TMBIM6: variants seen among roughly 807,000 people sequenced by gnomAD.
The protein encoded by TMBIM6 is bax inhibitor 1.
In TMBIM6, 13 loss-of-function variants were observed where a neutral mutation model predicts 31.4. The observed-to-expected ratio is 0.41, with a 90% CI of 0.27 to 0.66. TMBIM6 has a LOEUF of 0.66. Among genes scored for constraint, TMBIM6 ranks in the 30% least tolerant of loss-of-function variants. The probability of loss-of-function intolerance (pLI) is 0.28; values close to 1 mark genes in which losing one functional copy is unlikely to be tolerated. For missense variants in TMBIM6, 275 were observed against 289.5 expected (o/e 0.95, Z 0.36); for synonymous variants, 85 against 101.7 (o/e 0.84, Z 0.99).
chr12:49,763,257 T>TACCAAA lies in TMBIM6; in HGVS notation c.*361_*362insACCAAA, dbSNP rs148039038. The TACCAAA allele has an allele frequency of 0.018, 3,589 of 196,884 alleles. 140 individuals carry two copies. Among genetic ancestry groups the TACCAAA allele is most frequent in the African/African-American group, 0.078 (3,382 of 43,470 alleles). The allele number at this position is 196,884 out of a possible 1,614,324, so 12.2% of individuals were successfully genotyped here. A position where few individuals can be genotyped will look rare whatever the true frequency, so the allele number is the denominator to read the frequency against. On this transcript the variant is annotated 3_prime_UTR_variant, in exon 10 of 10. Transcript: ENST00000267115. Reference sequence around the variant, plus strand: ...ATTCACCCAGTGGACCTGAACTGTTTGGTAGAGCCACCCGGCCCTTCCTTC... The same window carrying TACCAAA: ...ATTCACCCAGTGGACCTGAACTGTTTACCAAAGGTAGAGCCACCCGGCCCTTCCTTC...
intron 9 of TMBIM6, 99 bp from the exon 10 acceptor site, chr12:49,762,774 C>G: frequency 9.2e-7 from 1 of 1,087,888 alleles, no homozygotes; most frequent in Non-Finnish European, 1.4e-6. Context: ...TTTTAATTGT[C>G]TGGCTCACTT....
intron 4 of TMBIM6, among the ~76,000 whole-genome samples, chr12:49,756,829 CAGGTTCA>C (rs1945607901): frequency 6.6e-6 from 1 of 152,032 alleles, no homozygotes; most frequent in Non-Finnish European, 1.5e-5. Context: ...CTCCACCTCC[CAGGTTCA>C]AGCGATTCTC....
rs759540247 is a variant in TMBIM6, at chr12:49,758,397, C to T, written c.350C>T (p.Ala117Val). The T allele has an allele frequency of 3.7e-6, 6 of 1,614,200 alleles. No individual in the cohort carries two copies. The highest frequency in any genetic ancestry group is 2.7e-5 in the African/African-American group (2 of 75,034). The change falls in exon 6 of 10, where the codon GCT (alanine) becomes GTT (valine). Residue 117 changes from alanine to valine, a missense_variant. Ala to Val is a moderately conservative substitution (Grantham distance 64). Coordinates refer to ENST00000267115, the MANE Select transcript of TMBIM6 (RefSeq NM_003217.3). ...IAVNPSILPTAFMGTAMIFTC... is the reference protein window; with the variant it reads ...IAVNPSILPTVFMGTAMIFTC... ...TTTTCTAACAGCATCCTTCCCACTG[C>T]TTTCATGGGCACGGCAATGATCTTT...
chr12:49,758,818 C>CTTTTTTTT (rs57007895), intron 7 of TMBIM6, 56 bp downstream of exon 7: 5 of 1,161,864 alleles, frequency 4.3e-6, no homozygotes, highest in African/African-American at 3.6e-5. Flanking sequence ...TCTTTCTTTC[C>CTTTTTTTT]TTTTTTTTTT....
At position 49,764,718 on chromosome 12, in the gene TMBIM6, A is replaced by AG. The variant is rs1196892954; in HGVS notation, c.*1822_*1823insG. The stretch of plus-strand genomic sequence containing the variant: ...CAAGAATGACAAGATATTAAAAAAA[A>AG]AAAAGAAAGAAAAAAAAAAAAACAC... On this transcript the variant is annotated 3_prime_UTR_variant, in exon 10 of 10. Coordinates refer to ENST00000267115, the MANE Select transcript of TMBIM6 (RefSeq NM_003217.3). The AG allele has an allele frequency of 1.4e-5, 2 of 140,966 alleles. No individual in the cohort carries two copies. Among genetic ancestry groups the AG allele is most frequent in the African/African-American group, 6.3e-5 (2 of 31,838 alleles). The allele number at this position is 140,966 out of a possible 1,614,324, so 8.7% of individuals were successfully genotyped here. A position where few individuals can be genotyped will look rare whatever the true frequency, so the allele number is the denominator to read the frequency against.
intron 1 of TMBIM6, chr12:49,742,636 GTTAC>G (rs762896920): frequency 4.0e-5 from 7 of 176,906 alleles, no homozygotes; most frequent in Admixed American, 1.8e-4. Context: ...GACTTTTCTA[GTTAC>G]TTATTGATAT....
chr12:49,752,550 G>GTAA lies in TMBIM6; in HGVS notation c.56+2_56+4dup, dbSNP rs1945514787. The GTAA allele has an allele frequency of 6.2e-7, 1 of 1,611,856 alleles. No homozygotes were observed. Among genetic ancestry groups the GTAA allele is most frequent in the African/African-American group, 1.3e-5 (1 of 74,848 alleles). The stretch of plus-strand genomic sequence containing the variant: ...ATGCGCTTTTAAAATTTTCTCATAT[G>GTAA]TAAGTGTTTTGACCTTGACTGGTTT... On this transcript the variant is annotated splice_donor_variant, in intron 2 of 9. Coordinates refer to ENST00000267115, the MANE Select transcript of TMBIM6 (RefSeq NM_003217.3). LOFTEE classifies it high-confidence loss of function.
In TMBIM6 at chr12:49,764,132, A is replaced by G. The variant is rs1487135988; in HGVS notation, c.*1236A>G. On this transcript the variant is annotated 3_prime_UTR_variant, in exon 10 of 10. Transcript: ENST00000267115. The stretch of plus-strand genomic sequence containing the variant: ...GGCGACCAAACCAGTGAGAGCCCCA[A>G]TCCCTGCAGTTTTGTGGCTTCAAGT... 1 of 152,110 alleles carries G rather than the reference A, an allele frequency of 6.6e-6. No homozygotes were observed. Among genetic ancestry groups the G allele is most frequent in the Non-Finnish European group, 1.5e-5 (1 of 68,010 alleles). The allele number at this position is 152,110 out of a possible 1,614,324, so 9.4% of individuals were successfully genotyped here.
chr12:49,762,370 A>G (rs1945736283), intron 9 of TMBIM6, among the ~76,000 whole-genome samples: 1 of 152,176 alleles, frequency 6.6e-6, no homozygotes, highest in South Asian at 2.1e-4. Flanking sequence ...AAGCAACTGA[A>G]TTTTCATTCC....
chr12:49,747,372 G>T (rs952320335), intron 1 of TMBIM6, among the ~76,000 whole-genome samples: 12 of 152,096 alleles, frequency 7.9e-5, no homozygotes, highest in Non-Finnish European at 1.6e-4. Context: ...GAAGCAACAT[G>T]ATGATGGCTC....
intron 4 of TMBIM6, among the ~76,000 whole-genome samples, chr12:49,757,170 C>CT (rs1945618928): frequency 6.6e-6 from 1 of 152,166 alleles, no homozygotes; most frequent in African/African-American, 2.4e-5. Context: ...CCTGGCCTTC[C>CT]TGGCCTGCTT....
At chr12:49,752,402 T>C in intron 1 of TMBIM6, 62 bp from the exon 2 acceptor site, 1 of 1,252,496 alleles carries the variant, frequency 8.0e-7, no homozygotes, top group Non-Finnish European at 1.1e-6. Flanking sequence ...TTTTTTTTTT[T>C]TTATAAGCTG....
At chr12:49,759,465 A>G in intron 8 of TMBIM6, 144 bp downstream of exon 8, 1 of 665,188 alleles carries the variant, frequency 1.5e-6, no homozygotes, top group African/African-American at 1.8e-5. Flanking sequence ...GGAACTGTGT[A>G]CCATAATCTT....
At chr12:49,760,286 T>C (rs1270496405) in intron 8 of TMBIM6, among the ~76,000 whole-genome samples, 1 of 152,178 alleles carries the variant, frequency 6.6e-6, no homozygotes, top group African/African-American at 2.4e-5. Context: ...GGTCTCGCTC[T>C]GTTGCCTAGG....
chr12:49,760,136 G>C (rs77608373), intron 8 of TMBIM6, among the ~76,000 whole-genome samples: 1 of 149,786 alleles, frequency 6.7e-6, no homozygotes, highest in African/African-American at 2.5e-5. Context: ...AAAAAGTGTT[G>C]GGGGGTGGCT....
chr12:49,747,335 A>G (rs1028718852), intron 1 of TMBIM6, among the ~76,000 whole-genome samples: 4 of 151,784 alleles, frequency 2.6e-5, no homozygotes, highest in African/African-American at 4.8e-5. Flanking sequence ...GCAGTGACAC[A>G]TTTTTGCTCT....
At chr12:49,760,761 C>T (rs12299666) in intron 8 of TMBIM6, among the ~76,000 whole-genome samples, 3,388 of 151,630 alleles carry the variant, frequency 0.022, 132 homozygotes, top group African/African-American at 0.078. Flanking sequence ...GACATGGTGT[C>T]GAACTCTTGG....
rs369987981 is a variant in TMBIM6, at chr12:49,755,837, CTTTTTTTT to C, written c.286+89_286+96del. On this transcript the variant is annotated intron_variant, in intron 4 of 9. Transcript: ENST00000267115. ...AATTAGTTCCCCCCCCTTTTTTTTT[CTTTTTTTT>C]TTTTTTGAGACAGAGTCTCGCTCTG... 6.5e-5 allele frequency: 73 copies of C among 1,125,770 alleles called. 1 individual carries two copies. The highest frequency in any genetic ancestry group is 8.0e-5 in the Admixed American group (3 of 37,494). The allele number at this position is 1,125,770 out of a possible 1,614,324, so 69.7% of individuals were successfully genotyped here.
At chr12:49,753,163 C>CA in intron 3 of TMBIM6, 82 bp downstream of exon 3, 3 of 1,001,838 alleles carry the variant, frequency 3.0e-6, no homozygotes, top group Non-Finnish European at 4.5e-6. Context: ...TCCAAGGGAC[C>CA]CTGTTCCTCT....
Sources: gnomAD v4.1 joint callset for allele counts (sites outside exome capture counted in the v4.1 genomes callset) on GRCh38, gnomAD v4.1.1 for gene constraint, MANE v1.5 for transcripts, NCBI Gene and HGNC (gene_info 2026-07-23, HGNC 2026-07-21) for gene names.